The following CSMD2 variants were observed in gnomAD, a reference collection of about 807,000 sequenced individuals.
The protein encoded by CSMD2 is CUB and sushi domain-containing protein 2.
CSMD2 carries 130 observed loss-of-function variants against 398.5 expected under a neutral mutation model. The observed-to-expected ratio is 0.33, with a 90% CI of 0.28 to 0.38. CSMD2 has a LOEUF of 0.38. Among genes scored for constraint, CSMD2 ranks in the 10% least tolerant of loss-of-function variants. The pLI, the probability that CSMD2 is intolerant of heterozygous loss-of-function variation, is 1.00. For missense variants in CSMD2, 3,829 were observed against 4,764.9 expected, an observed-to-expected ratio of 0.80 and a Z score of 5.78; for synonymous variants, 1,828 against 1,908.5, an observed-to-expected ratio of 0.96 and a Z score of 1.10.
At chr1:33,602,730 A>G (rs909033748) in intron 42 of CSMD2, among the ~76,000 whole-genome samples, 184 bp from the exon 43 acceptor site, 27 of 152,208 alleles carry the variant, frequency 1.8e-4, no homozygotes, top group Non-Finnish European at 1.9e-4. Context: ...GTCCCCACAC[A>G]GAACACCCTG....
At chr1:33,936,439 T>C (rs1022665333) in intron 3 of CSMD2, among the ~76,000 whole-genome samples, 2 of 152,170 alleles carry the variant, frequency 1.3e-5, no homozygotes, top group Admixed American at 1.3e-4. Context: ...AGAGGGGCAC[T>C]TTGGCCCCGC....
chr1:33,603,488 A>G (rs915496090), intron 42 of CSMD2, among the ~76,000 whole-genome samples: 13 of 152,166 alleles, frequency 8.5e-5, no homozygotes, highest in African/African-American at 2.9e-4. Context: ...GAGAATCCCA[A>G]CAGATTCCAA....
intron 36 of CSMD2, among the ~76,000 whole-genome samples, chr1:33,622,861 G>A (rs1376826996): frequency 6.6e-6 from 1 of 152,228 alleles, no homozygotes; most frequent in Non-Finnish European, 1.5e-5. Context: ...GACAATGTGT[G>A]TTCACACCAA....
At chr1:34,024,382 C>T (rs756952604) in intron 3 of CSMD2, among the ~76,000 whole-genome samples, 1 of 152,222 alleles carries the variant, frequency 6.6e-6, no homozygotes, top group South Asian at 2.1e-4. Flanking sequence ...GACAGGAAGA[C>T]GGTCATGGCA....
intron 1 of CSMD2, among the ~76,000 whole-genome samples, chr1:34,126,472 T>C (rs961249584): frequency 3.3e-5 from 5 of 152,206 alleles, no homozygotes; most frequent in African/African-American, 1.2e-4. Flanking sequence ...GTGGCACAGC[T>C]GAAGCATTTC....
intron 3 of CSMD2, among the ~76,000 whole-genome samples, chr1:33,978,018 A>T (rs749734): frequency 0.33 from 49,442 of 151,958 alleles, 9,388 homozygotes; most frequent in East Asian, 0.56. Context: ...CTGAGAGCTC[A>T]TCTGGGCCAG....
chr1:33,628,201 A>C (rs933473472), intron 32 of CSMD2, among the ~76,000 whole-genome samples: 1 of 152,200 alleles, frequency 6.6e-6, no homozygotes, highest in Admixed American at 6.5e-5. Flanking sequence ...TTCCACAAAA[A>C]CTGAACAGTG....
intron 25 of CSMD2, among the ~76,000 whole-genome samples, chr1:33,673,479 G>A (rs1045226659): frequency 8.5e-5 from 13 of 152,184 alleles, no homozygotes; most frequent in African/African-American, 1.9e-4. Context: ...CCAAATCTAC[G>A]TCTGATCGGT....
intron 39 of CSMD2, among the ~76,000 whole-genome samples, chr1:33,616,135 T>C (rs1275148140): frequency 6.6e-6 from 1 of 152,202 alleles, no homozygotes. Context: ...CTGTCTTTTC[T>C]TGTGTCTGCT....
At chr1:33,861,818 A>G (rs1318528530) in intron 5 of CSMD2, among the ~76,000 whole-genome samples, 2 of 152,192 alleles carry the variant, frequency 1.3e-5, no homozygotes, top group East Asian at 3.9e-4. Flanking sequence ...GGAGAGAGTC[A>G]TTTAGAGAGG....
intron 26 of CSMD2, among the ~76,000 whole-genome samples, chr1:33,662,115 C>T (rs1201478944): frequency 6.6e-6 from 1 of 152,168 alleles, no homozygotes; most frequent in African/African-American, 2.4e-5. Context: ...TATAAATTAT[C>T]TCATACTGGG....
At chr1:33,618,970 C>T (rs1641578525) in intron 37 of CSMD2, among the ~76,000 whole-genome samples, 1 of 152,122 alleles carries the variant, frequency 6.6e-6, no homozygotes. Context: ...GCTTTGAATC[C>T]CTCCCTGGCT....
chr1:33,523,607 A>G (rs1258573168), intron 66 of CSMD2, among the ~76,000 whole-genome samples, 188 bp from the exon 67 acceptor site: 1 of 152,206 alleles, frequency 6.6e-6, no homozygotes. Flanking sequence ...GAACGTGGTT[A>G]TATGCAAGAA....
At chr1:34,153,279 A>C (rs982681960) in intron 1 of CSMD2, among the ~76,000 whole-genome samples, 1 of 152,192 alleles carries the variant, frequency 6.6e-6, no homozygotes, top group African/African-American at 2.4e-5. Flanking sequence ...GGCCTCCCAA[A>C]GTGCTGGGAT....
intron 15 of CSMD2, among the ~76,000 whole-genome samples, chr1:33,730,556 TAA>T (rs954874480): frequency 6.7e-6 from 1 of 149,700 alleles, no homozygotes; most frequent in Admixed American, 6.7e-5. Flanking sequence ...AAGAAACTAG[TAA>T]AAGAGATTTT....
chr1:33,920,542 C>CAA (rs58865984), intron 4 of CSMD2, among the ~76,000 whole-genome samples: 6,441 of 83,880 alleles, frequency 0.077, 412 homozygotes, highest in Non-Finnish European at 0.086. Context: ...CAATCTGTCT[C>CAA]AAAAAAAAAA....
At chr1:33,607,389 T>A (rs1640686533) in intron 41 of CSMD2, among the ~76,000 whole-genome samples, 2 of 152,154 alleles carry the variant, frequency 1.3e-5, no homozygotes, top group Admixed American at 6.5e-5. Context: ...GAGAGCTGGG[T>A]CTGACAGAAA....
At chr1:33,695,327 T>C (rs1463862652) in intron 24 of CSMD2, among the ~76,000 whole-genome samples, 4 of 152,190 alleles carry the variant, frequency 2.6e-5, no homozygotes, top group African/African-American at 7.2e-5. Flanking sequence ...GCAGTGATTA[T>C]ACATGTGAGT....
chr1:34,065,145 T>C (rs1654971031), intron 2 of CSMD2, among the ~76,000 whole-genome samples: 1 of 152,106 alleles, frequency 6.6e-6, no homozygotes, highest in Non-Finnish European at 1.5e-5. Context: ...GGCCTTCCTT[T>C]GCTCCCCTCC....
Sources: gnomAD v4.1 joint callset for allele counts (sites outside exome capture counted in the v4.1 genomes callset) on GRCh38, gnomAD v4.1.1 for gene constraint, MANE v1.5 for transcripts, NCBI Gene and HGNC (gene_info 2026-07-23, HGNC 2026-07-21) for gene names.